PRKD1: variants seen among roughly 807,000 people sequenced by gnomAD.
PRKD1 encodes serine/threonine-protein kinase D1.
A neutral mutation model predicts 95.9 loss-of-function variants in PRKD1; 63 were observed. The observed-to-expected ratio is 0.66, with a 90% CI of 0.54 to 0.81. The LOEUF is 0.81. Among genes scored for constraint, PRKD1 ranks in the 30% least tolerant of loss-of-function variants. The pLI, the probability that PRKD1 is intolerant of heterozygous loss-of-function variation, is 0.00. For missense variants in PRKD1, 1,048 were observed against 1,165.3 expected (o/e 0.90, Z 1.47); for synonymous variants, 425 against 423.1 (o/e 1.00, Z -0.05).
chr14:29,898,304 A>G (rs943279332), intron 1 of PRKD1, among the ~76,000 whole-genome samples: 2 of 152,148 alleles, frequency 1.3e-5, no homozygotes, highest in Non-Finnish European at 2.9e-5. Context: ...TACTTTTTAA[A>G]AAGAATACTT....
intron 1 of PRKD1, among the ~76,000 whole-genome samples, chr14:29,790,345 T>C (rs1405342233): frequency 6.6e-6 from 1 of 152,110 alleles, no homozygotes; most frequent in Admixed American, 6.6e-5. Context: ...TTAGATTTCA[T>C]CATTCCAGCT....
intron 2 of PRKD1, among the ~76,000 whole-genome samples, chr14:29,710,400 C>T (rs1188035750): frequency 6.6e-6 from 1 of 152,138 alleles, no homozygotes; most frequent in Non-Finnish European, 1.5e-5. Context: ...AAGAAAGCTA[C>T]TTCACTTCTA....
chr14:29,607,526 A>G (rs918246840), intron 13 of PRKD1, among the ~76,000 whole-genome samples: 2 of 152,102 alleles, frequency 1.3e-5, no homozygotes, highest in African/African-American at 4.8e-5. Context: ...TGCAGGGGTG[A>G]AGTCCCCGTT....
chr14:29,762,021 C>T (rs1053744370), intron 1 of PRKD1, among the ~76,000 whole-genome samples: 2 of 152,036 alleles, frequency 1.3e-5, no homozygotes, highest in African/African-American at 2.4e-5. Flanking sequence ...ATCCTGCTGC[C>T]TTGGCCTCCC....
chr14:29,810,084 C>A (rs2139240334), intron 1 of PRKD1, among the ~76,000 whole-genome samples: 1 of 152,280 alleles, frequency 6.6e-6, no homozygotes, highest in East Asian at 1.9e-4. Flanking sequence ...AGAACACACA[C>A]ACTTAAGTTC....
chr14:29,753,732 T>C (rs1382903654), intron 1 of PRKD1, among the ~76,000 whole-genome samples: 1 of 152,172 alleles, frequency 6.6e-6, no homozygotes, highest in Admixed American at 6.6e-5. Flanking sequence ...TGTTCCTTTT[T>C]AGCTTTTGGA....
chr14:29,634,755 C>T (rs772063288), intron 7 of PRKD1, among the ~76,000 whole-genome samples: 6 of 152,024 alleles, frequency 3.9e-5, no homozygotes, highest in Non-Finnish European at 8.8e-5. Flanking sequence ...AAATCCTGGC[C>T]GGGTGCAGTG....
intron 1 of PRKD1, among the ~76,000 whole-genome samples, chr14:29,860,465 C>T (rs1892669140): frequency 6.6e-6 from 1 of 152,088 alleles, no homozygotes; most frequent in African/African-American, 2.4e-5. Context: ...TGAGAACCAG[C>T]TACTCAGAGT....
intron 17 of PRKD1, among the ~76,000 whole-genome samples, 184 bp downstream of exon 17, chr14:29,578,091 A>C (rs1428255584): frequency 6.6e-6 from 1 of 152,098 alleles, no homozygotes; most frequent in African/African-American, 2.4e-5. Context: ...TTATCCTGGT[A>C]GAGAAAAATG....
chr14:29,813,504 T>C (rs1395725493), intron 1 of PRKD1, among the ~76,000 whole-genome samples: 1 of 152,140 alleles, frequency 6.6e-6, no homozygotes, highest in Non-Finnish European at 1.5e-5. Context: ...TAGGACTTTG[T>C]ATTGTGAGTA....
intron 1 of PRKD1, among the ~76,000 whole-genome samples, chr14:29,789,137 C>G (rs893006268): frequency 1.3e-5 from 2 of 152,146 alleles, no homozygotes; most frequent in African/African-American, 4.8e-5. Context: ...GTTCCTGCCT[C>G]AGTATCCCAA....
intron 2 of PRKD1, among the ~76,000 whole-genome samples, chr14:29,692,987 C>T (rs1048967184): frequency 6.6e-6 from 1 of 152,072 alleles, no homozygotes; most frequent in African/African-American, 2.4e-5. Context: ...TATTCTATGG[C>T]CTTGACATTT....
intron 1 of PRKD1, among the ~76,000 whole-genome samples, chr14:29,891,901 T>C (rs905382283): frequency 3.3e-5 from 5 of 152,176 alleles, no homozygotes; most frequent in Non-Finnish European, 7.3e-5. Flanking sequence ...AAATATTTTA[T>C]TACAACTTCT....
intron 1 of PRKD1, among the ~76,000 whole-genome samples, chr14:29,731,345 C>T (rs1886424920): frequency 6.6e-6 from 1 of 152,110 alleles, no homozygotes. Context: ...TTTCCTAAGA[C>T]GTTTTATGGC....
At position 29,719,631 on chromosome 14, in the gene PRKD1, T is replaced by C. The variant is rs139628829; in HGVS notation, c.403+5905A>G. On this transcript the variant is annotated intron_variant, in intron 2 of 17. Transcript: ENST00000331968. ...GGACATAGGCAAGTTACAATTTATA[T>C]TCTATAGCTTTTCAAATATCTGACT... 5.2e-3 allele frequency among the ~76,000 whole-genome samples: 795 copies of C among 152,310 alleles called. 4 individuals are homozygous for C. Among genetic ancestry groups the C allele is most frequent in the African/African-American group, 0.018 (746 of 41,566 alleles).
chr14:29,606,314 A>G (rs1284690776), intron 13 of PRKD1, among the ~76,000 whole-genome samples: 3 of 152,164 alleles, frequency 2.0e-5, no homozygotes, highest in African/African-American at 7.2e-5. Context: ...CACCTGGCCA[A>G]TAATGACTTT....
At chr14:29,838,688 T>TAAG (rs1891707187) in intron 1 of PRKD1, among the ~76,000 whole-genome samples, 1 of 152,094 alleles carries the variant, frequency 6.6e-6, no homozygotes, top group East Asian at 1.9e-4. Context: ...GATCTATATA[T>TAAG]AAGAGGATAT....
intron 1 of PRKD1, among the ~76,000 whole-genome samples, chr14:29,858,778 C>A (rs1249610609): frequency 6.6e-6 from 1 of 152,066 alleles, no homozygotes; most frequent in African/African-American, 2.4e-5. Flanking sequence ...GAAGCCAAAT[C>A]ACACAGAACT....
rs1188390631 is a variant in PRKD1 at position 29,927,336 on chromosome 14, A to G, written c.177T>C (p.Arg59=). 9 of 1,565,094 alleles carry G rather than the reference A, an allele frequency of 5.8e-6. No individual in the cohort carries two copies. In the African/African-American group the frequency reaches 1.1e-4, roughly 19 times the overall value. The change falls in exon 1 of 18, where the codon CGT becomes CGC. Residue 59 remains arginine (R), a synonymous_variant. Coordinates refer to ENST00000331968, the MANE Select transcript of PRKD1 (RefSeq NM_002742.3). The part of the protein sequence containing the change: ...ISFHLQIGLS[R]EPVLLLQDSS... ...AGTCCTGCAGCAGCAGCACCGGCTC[A>G]CGGCTCAGGCCGATCTGCAGATGGA...
Sources: allele counts gnomAD v4.1 joint callset (sites outside exome capture counted in the v4.1 genomes callset), GRCh38; gene constraint gnomAD v4.1.1; transcripts MANE v1.5; gene names NCBI Gene and HGNC (gene_info 2026-07-23, HGNC 2026-07-21).